The following PPP1R2 variants were observed in gnomAD, a reference collection of about 807,000 sequenced individuals.
PPP1R2 encodes protein phosphatase 1 regulatory inhibitor subunit 2.
In PPP1R2, 16 loss-of-function variants were observed where a neutral mutation model predicts 29.9. The ratio of observed to expected loss-of-function variants is 0.53; its 90% confidence interval spans 0.36 to 0.81. The LOEUF is 0.81. Among genes scored for constraint, PPP1R2 ranks in the 30% least tolerant of loss-of-function variants. The pLI, the probability that PPP1R2 is intolerant of heterozygous loss-of-function variation, is 0.00. For synonymous variants in PPP1R2, 76 were observed against 91.5 expected (o/e 0.83, Z 0.96); for missense variants, 197 against 252.7 (o/e 0.78, Z 1.49).
intron 1 of PPP1R2, among the ~76,000 whole-genome samples, chr3:195,535,752 T>G (rs1473251330): frequency 6.6e-6 from 1 of 152,256 alleles, no homozygotes; most frequent in African/African-American, 2.4e-5. Flanking sequence ...TGGCTTATTT[T>G]ACAACATGGA....
intron 1 of PPP1R2, among the ~76,000 whole-genome samples, chr3:195,540,155 C>T (rs184758761): frequency 1.3e-5 from 2 of 152,268 alleles, no homozygotes; most frequent in East Asian, 3.9e-4. Flanking sequence ...ATTTGAGGTC[C>T]GTTAGCAGTT....
At chr3:195,533,347 GA>G (rs199627497) in intron 1 of PPP1R2, among the ~76,000 whole-genome samples, 3,868 of 118,346 alleles carry the variant, frequency 0.033, 130 homozygotes, top group African/African-American at 0.097. Flanking sequence ...TCTGCCTCAG[GA>G]AAAAAAAAAA....
At chr3:195,519,292 C>A in intron 4 of PPP1R2, 107 bp from the exon 5 acceptor site, 1 of 874,988 alleles carries the variant, frequency 1.1e-6, no homozygotes, top group East Asian at 2.7e-5. Context: ...TTGTTTTTGT[C>A]ATGCTTAAGG....
chr3:195,530,412 T>C (rs1429331450), intron 1 of PPP1R2, among the ~76,000 whole-genome samples: 2 of 152,236 alleles, frequency 1.3e-5, no homozygotes, highest in African/African-American at 4.8e-5. Flanking sequence ...AATCATTAGA[T>C]TGCAAATAAA....
chr3:195,515,054 A>G lies in PPP1R2; in HGVS notation c.*1842T>C. The stretch of plus-strand genomic sequence containing the variant: ...TGTGGGTACTTTCTAAGAACTCAGA[A>G]ACAAGAAAACCAAAATCAGAGGGTG... On this transcript the variant is annotated 3_prime_UTR_variant, in exon 6 of 6. Transcript: ENST00000618156. 3.5e-6 allele frequency: 1 copy of G among 289,842 alleles called. No homozygotes were observed. The highest frequency in any genetic ancestry group is 3.7e-5 in the South Asian group (1 of 26,848). The allele number at this position is 289,842 out of a possible 1,614,324, so 18.0% of individuals were successfully genotyped here. A position where few individuals can be genotyped will look rare whatever the true frequency, so the allele number is the denominator to read the frequency against.
Position 195,543,134 on chromosome 3 carries a change from C to T in PPP1R2, c.-109G>A. 1.5e-6 allele frequency: 2 copies of T among 1,368,820 alleles called. No homozygotes were observed. Among genetic ancestry groups the T allele is most frequent in the Middle Eastern group, 2.7e-4 (1 of 3,710 alleles). 84.8% of individuals were successfully genotyped at this position (1,368,820 alleles called of 1,614,324 possible). A position where few individuals can be genotyped will look rare whatever the true frequency, so the allele number is the denominator to read the frequency against. On this transcript the variant is annotated 5_prime_UTR_variant, in exon 1 of 6. Coordinates refer to ENST00000618156, the MANE Select transcript of PPP1R2 (RefSeq NM_006241.8). Reference sequence around the variant, plus strand: ...AGGCAGCCGCAGATCCCGCTCAGGGCTAAAGCGGCCGCAACTGCTGCCTCG... The same window carrying T: ...AGGCAGCCGCAGATCCCGCTCAGGGTTAAAGCGGCCGCAACTGCTGCCTCG...
chr3:195,533,241 AG>A (rs1167186581), intron 1 of PPP1R2, among the ~76,000 whole-genome samples: 1 of 151,706 alleles, frequency 6.6e-6, no homozygotes, highest in African/African-American at 2.4e-5. Context: ...GCTACTCAGG[AG>A]GCTGATGCAG....
chr3:195,530,525 ATTATTT>A (rs1719137594), intron 1 of PPP1R2, among the ~76,000 whole-genome samples: 1 of 152,134 alleles, frequency 6.6e-6, no homozygotes. Flanking sequence ...TAAGTACTTT[ATTATTT>A]TTGTTTTGTT....
At chr3:195,532,694 T>G (rs770197763) in intron 1 of PPP1R2, among the ~76,000 whole-genome samples, 1 of 152,182 alleles carries the variant, frequency 6.6e-6, no homozygotes, top group Non-Finnish European at 1.5e-5. Context: ...GGTCCACTTA[T>G]ATGCGGATTT....
At chr3:195,526,926 C>T (rs1327669132) in intron 2 of PPP1R2, among the ~76,000 whole-genome samples, 2 of 152,010 alleles carry the variant, frequency 1.3e-5, no homozygotes, top group Non-Finnish European at 2.9e-5. Context: ...GGGTTATAGG[C>T]GCCCACCACC....
intron 1 of PPP1R2, among the ~76,000 whole-genome samples, chr3:195,542,550 A>G (rs1396553315): frequency 1.3e-5 from 2 of 152,210 alleles, no homozygotes; most frequent in East Asian, 3.8e-4. Flanking sequence ...ATACACTGTA[A>G]TTATCGAAGA....
rs1169450626 is a variant in PPP1R2 at position 195,535,691 on chromosome 3, G to A, written c.123-5790C>T. 2.0e-5 allele frequency among the ~76,000 whole-genome samples: 3 copies of A among 152,150 alleles called. 1 individual carries two copies. The South Asian group carries it at 6.2e-4, about 32-fold the overall frequency. ...GAATATGTAGAAGAAGCAAAGCCAG[G>A]AAACAAATTGACACTAGACAATCTG... On this transcript the variant is annotated intron_variant, in intron 1 of 5. Transcript: ENST00000618156.
At chr3:195,523,433 T>C (rs1718842944) in intron 4 of PPP1R2, among the ~76,000 whole-genome samples, 1 of 152,254 alleles carries the variant, frequency 6.6e-6, no homozygotes, top group African/African-American at 2.4e-5. Context: ...GTATCTACTC[T>C]GCACTAAAAA....
chr3:195,524,072 A>G (rs562047069), intron 3 of PPP1R2, among the ~76,000 whole-genome samples: 1 of 152,020 alleles, frequency 6.6e-6, no homozygotes, highest in South Asian at 2.1e-4. Flanking sequence ...TGAGTGATAG[A>G]ACAAGGCCCT....
At chr3:195,529,532 C>T (rs1245721057) in intron 2 of PPP1R2, 2 of 286,122 alleles carry the variant, frequency 7.0e-6, no homozygotes, top group African/African-American at 2.2e-5. Context: ...AATATATGCA[C>T]CATTAGTAGC....
intron 1 of PPP1R2, among the ~76,000 whole-genome samples, chr3:195,535,629 G>A (rs1213532401): frequency 6.6e-6 from 1 of 152,186 alleles, no homozygotes; most frequent in Non-Finnish European, 1.5e-5. Flanking sequence ...ATTTGATAGA[G>A]ATGAGTGCTT....
intron 2 of PPP1R2, among the ~76,000 whole-genome samples, chr3:195,526,675 C>T (rs1305756673): frequency 1.3e-5 from 2 of 152,054 alleles, no homozygotes; most frequent in Non-Finnish European, 2.9e-5. Flanking sequence ...AGTGCAATGA[C>T]GTGATCATGG....
At position 195,519,000 on chromosome 3, in the gene PPP1R2, AT is replaced by A; in HGVS notation, c.571+17del. The A allele has an allele frequency of 6.2e-7, 1 of 1,609,796 alleles. No homozygotes were observed. The highest frequency in any genetic ancestry group is 8.5e-7 in the Non-Finnish European group (1 of 1,177,150). ...AGACCATTACAAAAGTCTCAGTGAC[AT>A]TTTCCAAACATCTAACCTTGATTTG... On this transcript the variant is annotated intron_variant, in intron 5 of 5. Coordinates refer to ENST00000618156, the MANE Select transcript of PPP1R2 (RefSeq NM_006241.8).
intron 2 of PPP1R2, chr3:195,528,779 GC>G (rs1312076378): frequency 8.0e-6 from 1 of 124,940 alleles, no homozygotes; most frequent in African/African-American, 3.1e-5. Flanking sequence ...TGATCTCCTG[GC>G]CTGAAGCAAT....
Sources: allele counts gnomAD v4.1 joint callset (sites outside exome capture counted in the v4.1 genomes callset), GRCh38; gene constraint gnomAD v4.1.1; transcripts MANE v1.5; gene names NCBI Gene and HGNC (gene_info 2026-07-23, HGNC 2026-07-21).